Variants in COL19A1 observed in about 807,000 individuals in gnomAD.
COL19A1 encodes the protein collagen type XIX alpha 1 chain.
In COL19A1, 159 loss-of-function variants were observed where a neutral mutation model predicts 190.2. The ratio of observed to expected loss-of-function variants is 0.84; its 90% confidence interval spans 0.73 to 0.95. COL19A1 has a LOEUF of 0.95. Ranked by LOEUF, COL19A1 falls within the 40% of genes least tolerant of loss-of-function variation. The pLI, the probability that COL19A1 is intolerant of heterozygous loss-of-function variation, is 0.00. For missense variants in COL19A1, 1,418 were observed against 1,431.9 expected (o/e 0.99, Z 0.16); for synonymous variants, 509 against 458.9 (o/e 1.11, Z -1.39).
chr6:70,187,994 A>T, intron 46 of COL19A1, 81 bp from the exon 47 acceptor site: 2 of 1,512,430 alleles, frequency 1.3e-6, no homozygotes, highest in South Asian at 1.3e-5. Flanking sequence ...AATAAGTGCC[A>T]GTATGAATCC....
At chr6:70,115,429 A>G (rs1224490578) in intron 16 of COL19A1, among the ~76,000 whole-genome samples, 3 of 152,356 alleles carry the variant, frequency 2.0e-5, no homozygotes, top group Non-Finnish European at 2.9e-5. Context: ...CCAAGAAAAT[A>G]TAAGTGAAAA....
At chr6:69,960,617 C>T (rs778152535) in intron 10 of COL19A1, among the ~76,000 whole-genome samples, 80 of 149,816 alleles carry the variant, frequency 5.3e-4, no homozygotes, top group Non-Finnish European at 9.5e-4. Context: ...TTCCTTTGTG[C>T]CCCCACTTTT....
In COL19A1 at chr6:70,035,928, C is replaced by T. The variant is rs1391535541; in HGVS notation, c.1159C>T (p.Pro387Ser). 1.2e-6 allele frequency: 2 copies of T among 1,613,308 alleles called. No individual in the cohort carries two copies. The highest frequency in any genetic ancestry group is 1.7e-6 in the Non-Finnish European group (2 of 1,179,472). The change falls in exon 14 of 51, where the codon CCA becomes TCA. Residue 387 changes from proline to serine, a missense_variant. Physicochemically the swap from Pro to Ser is moderately conservative, Grantham distance 74 (BLOSUM62 -1). Transcript: ENST00000620364. ...GGGAGATACAGGACCCCCAGGACCACCAGCCTTACCTGTAAGTATTCTTGA... is the reference window on the plus strand; with the variant it reads ...GGGAGATACAGGACCCCCAGGACCATCAGCCTTACCTGTAAGTATTCTTGA... ...EKGDTGPPGP[P>S]ALPGSLGIQG...
At chr6:69,961,120 C>G (rs1774775559) in intron 10 of COL19A1, among the ~76,000 whole-genome samples, 2 of 152,146 alleles carry the variant, frequency 1.3e-5, no homozygotes, top group Non-Finnish European at 2.9e-5. Flanking sequence ...AGATGCCCAC[C>G]AAAGCCAAGC....
rs1779330206 is a variant in COL19A1 at position 70,035,915 on chromosome 6, AC to A, written c.1151del (p.Pro384GlnfsTer74). 3 of 1,613,418 alleles carry A rather than the reference AC, an allele frequency of 1.9e-6. No homozygotes were observed. Among genetic ancestry groups the A allele is most frequent in the Non-Finnish European group, 2.5e-6 (3 of 1,179,448 alleles). On this transcript the variant is annotated frameshift_variant, in exon 14 of 51. Coordinates refer to ENST00000620364, the MANE Select transcript of COL19A1 (RefSeq NM_001858.6). LOFTEE classifies it high-confidence loss of function. ...GPKGEKGDTG[P>X]PGPPALPGSL... ...TTAATCTATTTTAGGGAGATACAGG[AC>A]CCCCAGGACCACCAGCCTTACCTGT...
At chr6:70,123,747 G>T (rs1785024449) in intron 17 of COL19A1, among the ~76,000 whole-genome samples, 1 of 145,160 alleles carries the variant, frequency 6.9e-6, no homozygotes, top group African/African-American at 2.6e-5. Flanking sequence ...TCATAGGTGG[G>T]AATTGAACAA....
At chr6:70,071,181 G>T (rs1161217624) in intron 15 of COL19A1, among the ~76,000 whole-genome samples, 1 of 151,946 alleles carries the variant, frequency 6.6e-6, no homozygotes, top group Non-Finnish European at 1.5e-5. Flanking sequence ...AACATGCTTT[G>T]AAAAATATCA....
At chr6:70,190,220 C>A in intron 47 of COL19A1, 95 bp from the exon 48 acceptor site, 1 of 901,414 alleles carries the variant, frequency 1.1e-6, no homozygotes, top group Non-Finnish European at 1.7e-6. Flanking sequence ...TGCATCCCTA[C>A]AGAAGTTTCA....
At chr6:70,116,804 T>C (rs1174761043) in intron 16 of COL19A1, among the ~76,000 whole-genome samples, 1 of 152,216 alleles carries the variant, frequency 6.6e-6, no homozygotes, top group Non-Finnish European at 1.5e-5. Flanking sequence ...TTAGCACTTT[T>C]GAAGAGAGTT....
At chr6:70,161,148 C>G (rs529449877) in intron 34 of COL19A1, among the ~76,000 whole-genome samples, 1 of 152,192 alleles carries the variant, frequency 6.6e-6, no homozygotes, top group South Asian at 2.1e-4. Flanking sequence ...TATGCTTAAG[C>G]CATTAAAGCG....
At position 70,141,884 on chromosome 6, in the gene COL19A1, T is replaced by A; in HGVS notation, c.1483-9T>A. On this transcript the variant is annotated splice_polypyrimidine_tract_variant and intron_variant, in intron 20 of 50. Transcript: ENST00000620364. ...AGCATTACCCTTATAGTAATTATTT[T>A]ATTTACAGGGAGAACCTGGGGTAAT... The A allele has an allele frequency of 1.3e-6, 2 of 1,562,924 alleles. No individual in the cohort carries two copies. Among genetic ancestry groups the A allele is most frequent in the South Asian group, 2.2e-5 (2 of 89,872 alleles).
chr6:70,068,678 A>G (rs931020825), intron 15 of COL19A1, among the ~76,000 whole-genome samples: 2 of 152,074 alleles, frequency 1.3e-5, no homozygotes, highest in East Asian at 3.9e-4. Flanking sequence ...GATTGGCAGC[A>G]CAAGTGTAGA....
chr6:70,099,131 T>C (rs1347984669), intron 15 of COL19A1, among the ~76,000 whole-genome samples: 4 of 150,974 alleles, frequency 2.6e-5, no homozygotes, highest in Non-Finnish European at 5.9e-5. Context: ...AGCTCTGTTA[T>C]GCTCTAAAGC....
chr6:70,156,391 T>G (rs1259312254), intron 33 of COL19A1, 22 bp downstream of exon 33: 3 of 1,611,354 alleles, frequency 1.9e-6, no homozygotes, highest in Non-Finnish European at 2.5e-6. Context: ...TCTCCTCCAC[T>G]TTCCCCTGTG....
chr6:69,905,778 G>A (rs1323873952), intron 4 of COL19A1, among the ~76,000 whole-genome samples: 1 of 152,166 alleles, frequency 6.6e-6, no homozygotes, highest in African/African-American at 2.4e-5. Flanking sequence ...GGATATTTGA[G>A]GGGCTTTATG....
intron 16 of COL19A1, among the ~76,000 whole-genome samples, chr6:70,120,483 C>A (rs1356388610): frequency 6.6e-6 from 1 of 152,150 alleles, no homozygotes; most frequent in Admixed American, 6.5e-5. Flanking sequence ...CTTTGTGTAA[C>A]AACCCCCCCA....
chr6:70,194,394 C>T (rs1767068600), intron 48 of COL19A1, among the ~76,000 whole-genome samples: 1 of 152,296 alleles, frequency 6.6e-6, no homozygotes, highest in Admixed American at 6.5e-5. Flanking sequence ...CCTAACCTCC[C>T]TTCAACATCC....
At chr6:69,914,497 C>T (rs886442957) in intron 4 of COL19A1, among the ~76,000 whole-genome samples, 6 of 152,196 alleles carry the variant, frequency 3.9e-5, no homozygotes, top group African/African-American at 1.2e-4. Flanking sequence ...CTTGTAAATA[C>T]GGAAGTTCTT....
intron 14 of COL19A1, among the ~76,000 whole-genome samples, chr6:70,066,737 G>A (rs1038830667): frequency 1.3e-5 from 2 of 151,844 alleles, no homozygotes; most frequent in Non-Finnish European, 2.9e-5. Context: ...TTAGAAAAAG[G>A]TCATATTATA....
Sources: gnomAD v4.1 joint callset for allele counts (sites outside exome capture counted in the v4.1 genomes callset) on GRCh38, gnomAD v4.1.1 for gene constraint, MANE v1.5 for transcripts, NCBI Gene and HGNC (gene_info 2026-07-23, HGNC 2026-07-21) for gene names.